Variants in SLAIN1 observed in about 807,000 individuals in gnomAD.
SLAIN1 encodes the protein SLAIN motif-containing protein 1.
In SLAIN1, 17 loss-of-function variants were observed where a neutral mutation model predicts 55.4. That is an observed-to-expected ratio of 0.31 (90% confidence interval 0.21 to 0.46). The LOEUF (loss-of-function observed/expected upper bound fraction) is 0.46. Among genes scored for constraint, SLAIN1 ranks in the 20% least tolerant of loss-of-function variants. The pLI, the probability that SLAIN1 is intolerant of heterozygous loss-of-function variation, is 1.00. For missense variants in SLAIN1, 682 were observed against 785.1 expected (o/e 0.87, Z 1.57); for synonymous variants, 348 against 337.4 (o/e 1.03, Z -0.35).
At chr13:77,756,331 G>A (rs1236736768) in intron 5 of SLAIN1, among the ~76,000 whole-genome samples, 2 of 151,900 alleles carry the variant, frequency 1.3e-5, no homozygotes, top group Admixed American at 1.3e-4. Context: ...TTAAGTCTTT[G>A]CATCCATTAA....
chr13:77,725,793 G>A (rs1197605826), intron 2 of SLAIN1, among the ~76,000 whole-genome samples: 1 of 152,114 alleles, frequency 6.6e-6, no homozygotes. Flanking sequence ...AGCCACGGTG[G>A]TAAGTTAGCC....
At chr13:77,742,150 G>T (rs1026364289) in intron 2 of SLAIN1, among the ~76,000 whole-genome samples, 2 of 151,612 alleles carry the variant, frequency 1.3e-5, no homozygotes, top group African/African-American at 4.8e-5. Flanking sequence ...ATTTTGGAGG[G>T]GAGAAGTACA....
At chr13:77,702,008 A>G (rs2091036074) in intron 1 of SLAIN1, among the ~76,000 whole-genome samples, 1 of 143,584 alleles carries the variant, frequency 7.0e-6, no homozygotes, top group East Asian at 2.1e-4. Flanking sequence ...ATGAGTGAGA[A>G]TATGCGGTGT....
chr13:77,706,869 C>G (rs550745053), intron 1 of SLAIN1, among the ~76,000 whole-genome samples: 2 of 152,290 alleles, frequency 1.3e-5, no homozygotes, highest in South Asian at 2.1e-4. Context: ...CCATTTTGTT[C>G]TAGCTTCTGT....
At chr13:77,761,143 A>C (rs750914722) in intron 6 of SLAIN1, 33 bp downstream of exon 6, 1 of 1,606,458 alleles carries the variant, frequency 6.2e-7, no homozygotes, top group South Asian at 1.1e-5. Flanking sequence ...CTTCATTTGC[A>C]GTTTGGAACT....
intron 2 of SLAIN1, among the ~76,000 whole-genome samples, chr13:77,725,325 A>G (rs2091297875): frequency 6.6e-6 from 1 of 152,188 alleles, no homozygotes; most frequent in Non-Finnish European, 1.5e-5. Context: ...GGAGTTATAC[A>G]TCTCCCTCTG....
Position 77,698,104 on chromosome 13 carries a change from C to A in SLAIN1, c.191C>A (p.Pro64Gln), listed in dbSNP as rs1350979891. Residue 64 changes from proline to glutamine, a missense_variant, in exon 1 of 7, where the codon CCG (proline) becomes CAG (glutamine). By Grantham distance (76) the Pro-to-Gln change is moderately conservative (BLOSUM62 -1). Transcript: ENST00000418532. The surrounding 1 kb of genome is among the most constrained non-coding windows in gnomAD (Gnocchi z 4.1). ...AAAPHLLLLP[P>Q]PPPAAPPPAG... ...GCCCCGCACCTGCTGCTGCTGCCGC[C>A]GCCGCCGCCCGCCGCGCCGCCCCCC... 4 of 1,056,190 alleles carry A rather than the reference C, an allele frequency of 3.8e-6. No homozygotes were observed. Among genetic ancestry groups the A allele is most frequent in the Non-Finnish European group, 4.5e-6 (4 of 896,938 alleles). 65.4% of individuals were successfully genotyped at this position (1,056,190 alleles called of 1,614,324 possible).
intron 2 of SLAIN1, among the ~76,000 whole-genome samples, chr13:77,723,741 G>A (rs927040880): frequency 6.6e-6 from 1 of 152,020 alleles, no homozygotes; most frequent in Non-Finnish European, 1.5e-5. Context: ...TTTTGTGTGT[G>A]CTATAAACTT....
At chr13:77,746,913 G>C in intron 4 of SLAIN1, 58 bp downstream of exon 4, 1 of 1,441,788 alleles carries the variant, frequency 6.9e-7, no homozygotes, top group Non-Finnish European at 9.4e-7. Context: ...ATGTGGTCAA[G>C]AAATGGTTTT....
intron 4 of SLAIN1, among the ~76,000 whole-genome samples, 176 bp downstream of exon 4, chr13:77,747,031 A>C (rs1289194852): frequency 2.0e-5 from 3 of 152,218 alleles, no homozygotes; most frequent in South Asian, 2.1e-4. Context: ...GGTTCAAACG[A>C]TTCTCCTGCC....
intron 2 of SLAIN1, among the ~76,000 whole-genome samples, chr13:77,728,060 A>G (rs2091324359): frequency 6.6e-6 from 1 of 152,128 alleles, no homozygotes; most frequent in African/African-American, 2.4e-5. Flanking sequence ...AGTGTAGTTT[A>G]TTATTCAACA....
intron 1 of SLAIN1, among the ~76,000 whole-genome samples, chr13:77,705,726 A>C (rs1285105571): frequency 6.6e-6 from 1 of 151,430 alleles, no homozygotes; most frequent in Non-Finnish European, 1.5e-5. Flanking sequence ...CATGATCTCT[A>C]TAACTAGTTT....
At chr13:77,757,881 G>T (rs1283285614) in intron 5 of SLAIN1, among the ~76,000 whole-genome samples, 1 of 152,080 alleles carries the variant, frequency 6.6e-6, no homozygotes, top group East Asian at 1.9e-4. Context: ...AAATGCTGTT[G>T]CTATAAACAT....
At chr13:77,744,262 C>T (rs369760950) in intron 2 of SLAIN1, 21 bp from the exon 3 acceptor site, 1 of 1,548,030 alleles carries the variant, frequency 6.5e-7, no homozygotes, top group Non-Finnish European at 8.9e-7. Context: ...TGGAAGAACA[C>T]ACTTTTCCTT....
Position 77,698,198 on chromosome 13 carries a change from C to A in SLAIN1, c.285C>A (p.Gly95=), listed in dbSNP as rs1433932146. 3.3e-6 allele frequency: 4 copies of A among 1,228,046 alleles called. No homozygotes were observed. The highest frequency in any genetic ancestry group is 4.0e-6 in the Non-Finnish European group (4 of 987,990). 76.1% of individuals were successfully genotyped at this position (1,228,046 alleles called of 1,614,324 possible). A position where few individuals can be genotyped will look rare whatever the true frequency, so the allele number is the denominator to read the frequency against. Residue 95 remains glycine, a synonymous_variant, in exon 1 of 7, where the codon GGC becomes GGA. Coordinates refer to ENST00000418532, the MANE Select transcript of SLAIN1 (RefSeq NM_001242868.2). The surrounding 1 kb of genome is among the most constrained non-coding windows in gnomAD (Gnocchi z 4.1). Reference sequence around the variant, plus strand: ...CGGCCACCGCCGCGGCCTCAGGGGGCCTGGGGCTCGGGCTGGCGCTGGGCG... The same window carrying A: ...CGGCCACCGCCGCGGCCTCAGGGGGACTGGGGCTCGGGCTGGCGCTGGGCG... ...AATATAAASG[G]LGLGLALGAG... is the part of the protein sequence containing the mutation.
At chr13:77,734,250 G>A (rs1178275963) in intron 2 of SLAIN1, among the ~76,000 whole-genome samples, 3 of 151,940 alleles carry the variant, frequency 2.0e-5, no homozygotes, top group African/African-American at 7.2e-5. Flanking sequence ...CCAATTTAAG[G>A]GAGAATAAAA....
chr13:77,707,666 C>T (rs1224616323), intron 1 of SLAIN1, among the ~76,000 whole-genome samples: 5 of 152,140 alleles, frequency 3.3e-5, no homozygotes, highest in Admixed American at 2.6e-4. Flanking sequence ...CTCTTGGATT[C>T]ATCTTTTTCT....
At chr13:77,742,527 A>C (rs1231492700) in intron 2 of SLAIN1, among the ~76,000 whole-genome samples, 2 of 152,042 alleles carry the variant, frequency 1.3e-5, no homozygotes, top group African/African-American at 4.8e-5. Context: ...CTGAATTTAC[A>C]TAAAATGTTT....
chr13:77,703,657 C>A (rs2091052976), intron 1 of SLAIN1, among the ~76,000 whole-genome samples: 2 of 151,860 alleles, frequency 1.3e-5, no homozygotes, highest in South Asian at 4.2e-4. Context: ...TTCATGTATC[C>A]TTTTAAGAGC....
Sources: gnomAD v4.1 joint callset for allele counts (sites outside exome capture counted in the v4.1 genomes callset) on GRCh38, gnomAD v4.1.1 for gene constraint, Gnocchi (gnomAD v3.1) non-coding constraint, MANE v1.5 for transcripts, NCBI Gene and HGNC (gene_info 2026-07-23, HGNC 2026-07-21) for gene names.